Variants in BZW1 observed in about 807,000 individuals in gnomAD.
BZW1 encodes eIF5-mimic protein 2.
Under a neutral mutation model 54.1 loss-of-function variants are expected in BZW1, and 3 were observed. The ratio of observed to expected loss-of-function variants is 0.06; its 90% CI spans 0.03 to 0.14. The LOEUF (loss-of-function observed/expected upper bound fraction) is 0.14, where lower values mean the gene tolerates loss of function less well. Ranked by LOEUF, BZW1 falls within the 10% of genes least tolerant of loss-of-function variation. The probability of loss-of-function intolerance (pLI) is 1.00; values close to 1 mark genes in which losing one functional copy is unlikely to be tolerated. For synonymous variants in BZW1, 152 were observed against 162.7 expected (o/e 0.93, Z 0.50); for missense variants, 206 against 491.7 (o/e 0.42, Z 5.50).
Position 200,819,019 on chromosome 2 carries a change from A to G in BZW1, c.966+118A>G, listed in dbSNP as rs2038403752. 19 of 1,163,368 alleles carry G rather than the reference A, an allele frequency of 1.6e-5. 1 individual carries two copies. In the Admixed American group the frequency reaches 6.1e-4, roughly 38 times the overall value. The allele number at this position is 1,163,368 out of a possible 1,614,324, so 72.1% of individuals were successfully genotyped here. ...ATCCTGTGGTTCCTAGGGATGGCCC[A>G]CCAGTAAATAAACAAATAGTAACAT... On this transcript the variant is annotated intron_variant, in intron 9 of 11. Coordinates refer to ENST00000409600, the MANE Select transcript of BZW1 (RefSeq NM_001207067.2).
intron 1 of BZW1, chr2:200,812,241 C>T: frequency 5.7e-6 from 7 of 1,229,468 alleles, no homozygotes; most frequent in Non-Finnish European, 7.1e-6. Context: ...AAGGCAGTGG[C>T]CGAGGCGGGC....
chr2:200,815,806 T>C (rs1053399319), intron 4 of BZW1, 45 bp downstream of exon 4: 2 of 1,435,468 alleles, frequency 1.4e-6, no homozygotes, highest in South Asian at 1.4e-5. Context: ...CTACTATCCA[T>C]GTGGTATATT....
In BZW1 at chr2:200,822,307, T is replaced by C; in HGVS notation, c.*129T>C. 1 of 738,534 alleles carries C rather than the reference T, an allele frequency of 1.4e-6. No homozygotes were observed. Among genetic ancestry groups the C allele is most frequent in the Non-Finnish European group, 2.1e-6 (1 of 467,028 alleles). 45.7% of individuals were successfully genotyped at this position (738,534 alleles called of 1,614,324 possible). On this transcript the variant is annotated 3_prime_UTR_variant, in exon 12 of 12. Transcript: ENST00000409600. ...TGATATAAGGGCTTTCATGGCAAAT[T>C]TTATTTTAACTGTTTCTATGGTTGC...
intron 11 of BZW1, 45 bp from the exon 12 acceptor site, chr2:200,822,102 G>C (rs767605565): frequency 2.6e-6 from 4 of 1,544,792 alleles, no homozygotes; most frequent in Non-Finnish European, 3.5e-6. Context: ...GGGAACTTTT[G>C]CCTTCTGATA....
At chr2:200,819,802 C>T (rs868689080) in intron 9 of BZW1, among the ~76,000 whole-genome samples, 180 bp from the exon 10 acceptor site, 1 of 152,158 alleles carries the variant, frequency 6.6e-6, no homozygotes, top group Non-Finnish European at 1.5e-5. Flanking sequence ...TCCCAAAGTG[C>T]TGGGATTACA....
intron 1 of BZW1, 120 bp downstream of exon 1, chr2:200,812,110 C>T (rs2105858826): frequency 1.4e-6 from 1 of 725,076 alleles, no homozygotes. Flanking sequence ...ACGGAGGTCG[C>T]CTCTTGAGGC....
Position 200,825,029 on chromosome 2 carries a change from G to A in BZW1, c.*2851G>A, listed in dbSNP as rs1457871749. The A allele has an allele frequency of 6.6e-6, 1 of 151,984 alleles. No individual in the cohort carries two copies. The highest frequency in any genetic ancestry group is 2.4e-5 in the African/African-American group (1 of 41,384). The allele number at this position is 151,984 out of a possible 1,614,324, so 9.4% of individuals were successfully genotyped here. ...TTATTACCATAGATACGCTGTGTATGTACTGTTTCTGTGCTTTGTACATGA... is the reference window on the plus strand; with the variant it reads ...TTATTACCATAGATACGCTGTGTATATACTGTTTCTGTGCTTTGTACATGA... On this transcript the variant is annotated 3_prime_UTR_variant, in exon 12 of 12. Transcript: ENST00000409600.
chr2:200,820,847 C>G (rs2038482152), intron 10 of BZW1, among the ~76,000 whole-genome samples: 1 of 152,196 alleles, frequency 6.6e-6, no homozygotes, highest in Non-Finnish European at 1.5e-5. Flanking sequence ...CAGAGTGCTT[C>G]TATAGCAACC....
chr2:200,813,491 C>T, intron 2 of BZW1: 2 of 427,568 alleles, frequency 4.7e-6, no homozygotes, highest in Non-Finnish European at 8.3e-6. Flanking sequence ...CAATATATCT[C>T]TAAGCCGGTT....
chr2:200,816,382 G>A lies in BZW1; in HGVS notation c.394G>A (p.Val132Ile). The A allele has an allele frequency of 1.3e-6, 2 of 1,580,738 alleles. No individual in the cohort carries two copies. Among genetic ancestry groups the A allele is most frequent in the Non-Finnish European group, 8.7e-7 (1 of 1,155,654 alleles). The change falls in exon 5 of 12, where the codon GTA becomes ATA. Residue 132 changes from valine to isoleucine, a missense_variant. This residue lies in a region of BZW1 where 81 missense variants were observed against 257.1 expected (regional missense o/e 0.32). Coordinates refer to ENST00000409600, the MANE Select transcript of BZW1 (RefSeq NM_001207067.2). The part of the protein sequence containing the change: ...KYLEKGFEDE[V>I]KKLLLFLKGF... Reference sequence around the variant, plus strand: ...CCTGGAGAAAGGTTTTGAAGATGAAGTAAAAAAGGTATGAGTAATAATGTA... The same window carrying A: ...CCTGGAGAAAGGTTTTGAAGATGAAATAAAAAAGGTATGAGTAATAATGTA...
intron 9 of BZW1, 143 bp downstream of exon 9, chr2:200,819,044 T>TTATCATCAA: frequency 4.2e-6 from 4 of 954,476 alleles, no homozygotes; most frequent in South Asian, 1.9e-5. Flanking sequence ...AATAGTAACA[T>TTATCATCAA]TAGCTATTGA....
chr2:200,814,840 GGTT>G (rs1349217185), intron 2 of BZW1, among the ~76,000 whole-genome samples: 1 of 152,144 alleles, frequency 6.6e-6, no homozygotes, highest in East Asian at 1.9e-4. Flanking sequence ...TGCCTCACAA[GGTT>G]GTTAACAGGA....
intron 1 of BZW1, chr2:200,812,765 G>A: frequency 1.4e-6 from 1 of 715,748 alleles, no homozygotes; most frequent in Non-Finnish European, 2.6e-6. Flanking sequence ...AACCAGGCTT[G>A]TCAGAAGAAG....
At chr2:200,816,268 T>G in intron 4 of BZW1, 57 bp from the exon 5 acceptor site, 2 of 1,299,840 alleles carry the variant, frequency 1.5e-6, no homozygotes, top group Non-Finnish European at 2.2e-6. Flanking sequence ...AAAGGTTTAC[T>G]ACTTTGCTAT....
chr2:200,814,966 A>T (rs964540792), intron 2 of BZW1, among the ~76,000 whole-genome samples: 3 of 152,218 alleles, frequency 2.0e-5, no homozygotes, highest in Admixed American at 2.0e-4. Flanking sequence ...TTTGTTTAAT[A>T]TTATGGACAT....
At chr2:200,813,901 C>T (rs529478039) in intron 2 of BZW1, among the ~76,000 whole-genome samples, 1 of 152,226 alleles carries the variant, frequency 6.6e-6, no homozygotes, top group South Asian at 2.1e-4. Flanking sequence ...TGGTCAAAAG[C>T]ATATTAACCT....
At position 200,827,135 on chromosome 2, in the gene BZW1, C is replaced by G. The variant is rs2038722827; in HGVS notation, c.*4957C>G. ...TCCATTCTAGTTAGGAGCAATGGCG[C>G]CCAGGACGGCACACAGAATGGAGAA... On this transcript the variant is annotated 3_prime_UTR_variant, in exon 12 of 12. Transcript: ENST00000409600. 1 of 152,132 alleles carries G rather than the reference C, an allele frequency of 6.6e-6. No individual in the cohort carries two copies. Among genetic ancestry groups the G allele is most frequent in the South Asian group, 2.1e-4 (1 of 4,826 alleles). 9.4% of individuals were successfully genotyped at this position (152,132 alleles called of 1,614,324 possible). A position where few individuals can be genotyped will look rare whatever the true frequency, so the allele number is the denominator to read the frequency against.
In BZW1 at chr2:200,823,832, C is replaced by A. The variant is rs2038616001; in HGVS notation, c.*1654C>A. On this transcript the variant is annotated 3_prime_UTR_variant, in exon 12 of 12. Coordinates refer to ENST00000409600, the MANE Select transcript of BZW1 (RefSeq NM_001207067.2). ...TTTAAAAAAATAAAGTCCATACTTA[C>A]ACTTAGGCTTTATACATCAGTCTTT... is the stretch of plus-strand genomic sequence containing the variant. The A allele has an allele frequency of 6.6e-6, 1 of 152,276 alleles. No individual in the cohort carries two copies. The highest frequency in any genetic ancestry group is 2.1e-4 in the South Asian group (1 of 4,824). The allele number at this position is 152,276 out of a possible 1,614,324, so 9.4% of individuals were successfully genotyped here. A position where few individuals can be genotyped will look rare whatever the true frequency, so the allele number is the denominator to read the frequency against.
chr2:200,812,394 TG>T, intron 1 of BZW1: 1 of 1,284,918 alleles, frequency 7.8e-7, no homozygotes, highest in Non-Finnish European at 9.8e-7. Context: ...CTGCTTTCGC[TG>T]GAGGGCGGGC....
Sources: allele counts gnomAD v4.1 joint callset (sites outside exome capture counted in the v4.1 genomes callset), GRCh38; gene constraint gnomAD v4.1.1; regional missense constraint gnomAD v4.1.1; transcripts MANE v1.5; gene names NCBI Gene and HGNC (gene_info 2026-07-23, HGNC 2026-07-21).